The following GRIK2 variants were observed in gnomAD, a reference collection of about 807,000 sequenced individuals.
GRIK2 encodes the protein glutamate ionotropic receptor kainate type subunit 2, also known as glutamate receptor ionotropic, kainate 2.
GRIK2 carries 32 observed loss-of-function variants against 100.3 expected under a neutral mutation model. That is an observed-to-expected ratio of 0.32 (90% confidence interval 0.24 to 0.43). The LOEUF (loss-of-function observed/expected upper bound fraction) is 0.43, where lower values mean the gene tolerates loss of function less well. Among genes scored for constraint, GRIK2 ranks in the 20% least tolerant of loss-of-function variants. The pLI is 1.00. For synonymous variants in GRIK2, 417 were observed against 389.4 expected (o/e 1.07, Z -0.83); for missense variants, 843 against 1,114.9 (o/e 0.76, Z 3.47).
At chr6:101,649,989 A>G (rs1304294342) in intron 4 of GRIK2, among the ~76,000 whole-genome samples, 2 of 152,092 alleles carry the variant, frequency 1.3e-5, no homozygotes, top group Non-Finnish European at 2.9e-5. Flanking sequence ...TAAATTTCAC[A>G]CAGTTAAGGC....
chr6:101,778,633 GA>G (rs1310481887), intron 7 of GRIK2, among the ~76,000 whole-genome samples: 11 of 151,910 alleles, frequency 7.2e-5, no homozygotes, highest in Non-Finnish European at 8.8e-5. Context: ...CTCACCAGAA[GA>G]AAAAAATAAA....
intron 10 of GRIK2, among the ~76,000 whole-genome samples, chr6:101,837,946 G>T (rs1211886853): frequency 1.3e-5 from 2 of 152,052 alleles, no homozygotes; most frequent in Non-Finnish European, 2.9e-5. Flanking sequence ...CCCCAAATGT[G>T]TCTCCGTGGT....
chr6:101,795,118 C>T (rs9498709), intron 7 of GRIK2, among the ~76,000 whole-genome samples: 249 of 152,202 alleles, frequency 1.6e-3, no homozygotes, highest in African/African-American at 5.6e-3. Flanking sequence ...CCATCCACCT[C>T]GGCCTCCCAA....
At chr6:101,636,741 A>G (rs1452132491) in intron 4 of GRIK2, among the ~76,000 whole-genome samples, 1 of 149,552 alleles carries the variant, frequency 6.7e-6, no homozygotes, top group South Asian at 2.2e-4. Context: ...AACCTCAATA[A>G]TATTTGCATT....
At chr6:101,704,515 C>T (rs567012643) in intron 7 of GRIK2, among the ~76,000 whole-genome samples, 15 of 151,808 alleles carry the variant, frequency 9.9e-5, no homozygotes, top group African/African-American at 3.1e-4. Context: ...TATACACTCT[C>T]CAATGTGTAC....
At chr6:101,412,752 A>C (rs1282628181) in intron 2 of GRIK2, among the ~76,000 whole-genome samples, 1 of 151,992 alleles carries the variant, frequency 6.6e-6, no homozygotes, top group Non-Finnish European at 1.5e-5. Flanking sequence ...ATCCTTCTAC[A>C]TGATATAAAT....
At chr6:101,543,072 A>G (rs1421997420) in intron 2 of GRIK2, among the ~76,000 whole-genome samples, 1 of 152,174 alleles carries the variant, frequency 6.6e-6, no homozygotes, top group Non-Finnish European at 1.5e-5. Flanking sequence ...TTAGGAACAC[A>G]TAAGCTTAAT....
chr6:101,859,775 C>T (rs1196936196), intron 11 of GRIK2, among the ~76,000 whole-genome samples: 1 of 152,066 alleles, frequency 6.6e-6, no homozygotes, highest in Non-Finnish European at 1.5e-5. Flanking sequence ...TTCCCAGGTC[C>T]TTGAGAAAGG....
intron 14 of GRIK2, among the ~76,000 whole-genome samples, chr6:101,955,576 TTCTCTC>T (rs60603807): frequency 0.23 from 26,980 of 115,314 alleles, 3,938 homozygotes; most frequent in East Asian, 0.37. Flanking sequence ...GAGCAAGGCC[TTCTCTC>T]TCTCTCTCTC....
Position 101,994,380 on chromosome 6 carries a change from T to C in GRIK2, c.2086-40961T>C, listed in dbSNP as rs548916470. On this transcript the variant is annotated intron_variant, in intron 14 of 16. Transcript: ENST00000369134. ...TTCATAACAAATGAAATGATAAATC[T>C]TTTTCATGCATATGTATGGTTTTCA... 2.6e-5 allele frequency among the ~76,000 whole-genome samples: 4 copies of C among 151,894 alleles called. No individual in the cohort carries two copies. In the South Asian group the frequency reaches 8.3e-4, roughly 32 times the overall value.
At chr6:101,833,275 A>T (rs1037608680) in intron 10 of GRIK2, among the ~76,000 whole-genome samples, 1 of 152,108 alleles carries the variant, frequency 6.6e-6, no homozygotes, top group African/African-American at 2.4e-5. Context: ...TCTGTCGCCC[A>T]GGCTGGAGTG....
intron 2 of GRIK2, among the ~76,000 whole-genome samples, chr6:101,485,033 C>A (rs1041448828): frequency 6.6e-6 from 1 of 152,156 alleles, no homozygotes. Context: ...TAAATAGCAT[C>A]AAATACCTTT....
intron 14 of GRIK2, among the ~76,000 whole-genome samples, chr6:102,015,450 T>C (rs1310574546): frequency 6.6e-6 from 1 of 152,190 alleles, no homozygotes; most frequent in Non-Finnish European, 1.5e-5. Flanking sequence ...AAGGTTAGTA[T>C]TGATATGTGT....
chr6:101,697,194 T>C (rs1195710206), intron 7 of GRIK2, among the ~76,000 whole-genome samples: 3 of 151,980 alleles, frequency 2.0e-5, no homozygotes, highest in Admixed American at 2.0e-4. Flanking sequence ...TAATTATGAG[T>C]TATATTATTG....
intron 7 of GRIK2, among the ~76,000 whole-genome samples, chr6:101,797,658 C>T (rs1170311697): frequency 8.0e-6 from 1 of 125,712 alleles, no homozygotes; most frequent in Non-Finnish European, 1.6e-5. Flanking sequence ...ATATATTATG[C>T]TGTATTTCCA....
chr6:101,941,934 CCA>C (rs1176976119), intron 14 of GRIK2, among the ~76,000 whole-genome samples: 1 of 151,562 alleles, frequency 6.6e-6, no homozygotes, highest in Admixed American at 6.6e-5. Flanking sequence ...CAAATGACTC[CCA>C]GATTTAGGAG....
chr6:101,743,875 G>A (rs1187626536), intron 7 of GRIK2, among the ~76,000 whole-genome samples: 1 of 152,122 alleles, frequency 6.6e-6, no homozygotes, highest in Non-Finnish European at 1.5e-5. Flanking sequence ...AAATGAACAA[G>A]TTCTTTAGTG....
At position 101,718,035 on chromosome 6, in the gene GRIK2, G is replaced by A. The variant is rs141886773; in HGVS notation, c.951+31682G>A. ...TTTACCCTTCTACCTATGTTTCTTTGCCAGGTATTATACTCTTGTCTATAC... is the reference window on the plus strand; with the variant it reads ...TTTACCCTTCTACCTATGTTTCTTTACCAGGTATTATACTCTTGTCTATAC... On this transcript the variant is annotated intron_variant, in intron 7 of 16. Coordinates refer to ENST00000369134, the MANE Select transcript of GRIK2 (RefSeq NM_021956.5). Among the ~76,000 whole-genome samples the A allele has an allele frequency of 7.5e-3, 1,129 of 151,520 alleles. 13 individuals are homozygous for A. Among genetic ancestry groups the A allele is most frequent in the African/African-American group, 0.025 (1,020 of 41,402 alleles).
chr6:101,881,439 A>G (rs2128453396), intron 11 of GRIK2, among the ~76,000 whole-genome samples: 1 of 152,042 alleles, frequency 6.6e-6, no homozygotes, highest in South Asian at 2.1e-4. Flanking sequence ...ATGCTCATGA[A>G]CAATAAAAAT....
Sources: gnomAD v4.1 joint callset for allele counts (sites outside exome capture counted in the v4.1 genomes callset) on GRCh38, gnomAD v4.1.1 for gene constraint, MANE v1.5 for transcripts, NCBI Gene and HGNC (gene_info 2026-07-23, HGNC 2026-07-21) for gene names.